Variants in LCLAT1 observed in about 807,000 individuals in gnomAD.
LCLAT1 encodes 1-AGP acyltransferase 8.
LCLAT1 carries 11 observed loss-of-function variants against 30.7 expected under a neutral mutation model. The observed-to-expected ratio is 0.36, with a 90% CI of 0.23 to 0.59. The LOEUF is 0.59. Among genes scored for constraint, LCLAT1 ranks in the 20% least tolerant of loss-of-function variants. LCLAT1 has a pLI of 0.77. For missense variants in LCLAT1, 402 were observed against 458.6 expected (o/e 0.88, Z 1.13); for synonymous variants, 155 against 151.3 (o/e 1.02, Z -0.18).
At chr2:30,466,602 C>G (rs777507310) in intron 1 of LCLAT1, among the ~76,000 whole-genome samples, 32 of 152,052 alleles carry the variant, frequency 2.1e-4, no homozygotes, top group Non-Finnish European at 4.4e-4. Context: ...TATGCGATGT[C>G]TTTATATTTT....
At position 30,472,016 on chromosome 2, in the gene LCLAT1, G is replaced by T. The variant is rs115788167; in HGVS notation, c.-5+24633G>T. Among the ~76,000 whole-genome samples, 645 of 152,268 alleles carry T rather than the reference G, an allele frequency of 4.2e-3. 1 individual carries two copies. Among genetic ancestry groups the T allele is most frequent in the Admixed American group, 6.4e-3 (98 of 15,302 alleles). ...AACATCATTGTCATGAACCATTGCT[G>T]TGGGTTTTTCATAGTGCCCTTTTCT... On this transcript the variant is annotated intron_variant, in intron 1 of 5. Transcript: ENST00000379509.
chr2:30,502,342 C>T (rs1424793532), intron 1 of LCLAT1, among the ~76,000 whole-genome samples: 2 of 152,210 alleles, frequency 1.3e-5, no homozygotes, highest in Non-Finnish European at 2.9e-5. Flanking sequence ...GATAATCTCT[C>T]AGCTAAGTAA....
chr2:30,449,176 C>T (rs1681417947), intron 1 of LCLAT1, among the ~76,000 whole-genome samples: 1 of 152,206 alleles, frequency 6.6e-6, no homozygotes, highest in Admixed American at 6.5e-5. Context: ...TACTGTCTTA[C>T]TACCACCATG....
chr2:30,494,159 G>T (rs1160004868), intron 1 of LCLAT1, among the ~76,000 whole-genome samples: 1 of 152,146 alleles, frequency 6.6e-6, no homozygotes, highest in African/African-American at 2.4e-5. Context: ...GGAGTTTGAG[G>T]TTGCAGTAAG....
chr2:30,617,026 A>T (rs1668027072), intron 5 of LCLAT1, among the ~76,000 whole-genome samples: 2 of 152,320 alleles, frequency 1.3e-5, no homozygotes, highest in Non-Finnish European at 2.9e-5. Context: ...ACGCCTTAAA[A>T]AAACAGCTTT....
intron 1 of LCLAT1, among the ~76,000 whole-genome samples, chr2:30,516,332 A>G (rs1685182953): frequency 6.6e-6 from 1 of 151,928 alleles, no homozygotes; most frequent in African/African-American, 2.4e-5. Context: ...GCCGTCCACC[A>G]CTGCTGAACG....
At chr2:30,461,726 C>T (rs1682137569) in intron 1 of LCLAT1, among the ~76,000 whole-genome samples, 1 of 151,520 alleles carries the variant, frequency 6.6e-6, no homozygotes, top group Non-Finnish European at 1.5e-5. Flanking sequence ...ACATTATTAC[C>T]CTCCTCTAAT....
chr2:30,468,616 C>A (rs1229245640), intron 1 of LCLAT1, among the ~76,000 whole-genome samples: 1 of 152,052 alleles, frequency 6.6e-6, no homozygotes, highest in African/African-American at 2.4e-5. Context: ...ATGTGTTGTG[C>A]CACCACCACT....
rs531421985 is a variant in LCLAT1, at chr2:30,551,168, A to G, written c.365-10978A>G. Among the ~76,000 whole-genome samples, 50 of 152,144 alleles carry G rather than the reference A, an allele frequency of 3.3e-4. 1 individual carries two copies. Among genetic ancestry groups the G allele is most frequent in the African/African-American group, 1.2e-3 (49 of 41,502 alleles). ...TAATTTAAAATAAATTTTAAAAGAC[A>G]ACAACTTTTTTTTTTGTAGAGAAGT... On this transcript the variant is annotated intron_variant, in intron 3 of 5. Transcript: ENST00000379509.
At chr2:30,539,755 A>G (rs1664039164) in intron 3 of LCLAT1, among the ~76,000 whole-genome samples, 1 of 152,194 alleles carries the variant, frequency 6.6e-6, no homozygotes, top group African/African-American at 2.4e-5. Context: ...AGGTAAAAGA[A>G]TCTCTAATAA....
chr2:30,548,991 A>C (rs751251388), intron 3 of LCLAT1, among the ~76,000 whole-genome samples: 10 of 152,204 alleles, frequency 6.6e-5, no homozygotes, highest in Non-Finnish European at 1.2e-4. Context: ...GAAAGGTTCA[A>C]TTCATTTAAA....
chr2:30,635,599 T>C (rs1668985123), intron 5 of LCLAT1, among the ~76,000 whole-genome samples: 1 of 152,218 alleles, frequency 6.6e-6, no homozygotes, highest in Admixed American at 6.5e-5. Context: ...TTTGGAATAT[T>C]ACCTTTTTGT....
chr2:30,573,498 A>G (rs1665872365), intron 5 of LCLAT1, among the ~76,000 whole-genome samples: 2 of 152,156 alleles, frequency 1.3e-5, no homozygotes, highest in African/African-American at 2.4e-5. Context: ...CAGGCCTCCT[A>G]TGACCTACCT....
At chr2:30,489,522 T>A (rs986460104) in intron 1 of LCLAT1, among the ~76,000 whole-genome samples, 1 of 152,082 alleles carries the variant, frequency 6.6e-6, no homozygotes, top group African/African-American at 2.4e-5. Flanking sequence ...CCAGCTGATT[T>A]TTTGTATTTT....
chr2:30,505,707 A>C (rs76710746), intron 1 of LCLAT1, among the ~76,000 whole-genome samples: 2,770 of 152,210 alleles, frequency 0.018, 83 homozygotes, highest in African/African-American at 0.062. Context: ...ACACCTCCCA[A>C]GGATAACCAT....
At chr2:30,622,116 A>G (rs1212506151) in intron 5 of LCLAT1, among the ~76,000 whole-genome samples, 1 of 152,142 alleles carries the variant, frequency 6.6e-6, no homozygotes, top group Admixed American at 6.5e-5. Context: ...TTCAGGCTGC[A>G]TGGGAACTGG....
At chr2:30,634,746 G>A (rs968968579) in intron 5 of LCLAT1, among the ~76,000 whole-genome samples, 2 of 152,146 alleles carry the variant, frequency 1.3e-5, no homozygotes, top group African/African-American at 2.4e-5. Flanking sequence ...TAAATCCTTC[G>A]TAACTGCAGG....
chr2:30,468,793 T>C (rs1360267613), intron 1 of LCLAT1, among the ~76,000 whole-genome samples: 1 of 152,240 alleles, frequency 6.6e-6, no homozygotes, highest in Non-Finnish European at 1.5e-5. Flanking sequence ...CGTGACCTTT[T>C]GTGTCTTCTT....
chr2:30,537,507 A>G (rs1663844042), intron 3 of LCLAT1, among the ~76,000 whole-genome samples: 1 of 145,200 alleles, frequency 6.9e-6, no homozygotes, highest in South Asian at 2.2e-4. Context: ...GCGAGAGGAT[A>G]TAACAATTGT....
Sources: allele counts gnomAD v4.1 joint callset (sites outside exome capture counted in the v4.1 genomes callset), GRCh38; gene constraint gnomAD v4.1.1; transcripts MANE v1.5; gene names NCBI Gene and HGNC (gene_info 2026-07-23, HGNC 2026-07-21).